SLC24A2: variants seen among roughly 807,000 people sequenced by gnomAD.
The protein encoded by SLC24A2 is sodium/potassium/calcium exchanger 2.
SLC24A2 carries 36 observed loss-of-function variants against 62.0 expected under a neutral mutation model. The ratio of observed to expected loss-of-function variants is 0.58; its 90% CI spans 0.44 to 0.77. The LOEUF is 0.77. SLC24A2 is among the 30% of genes least tolerant of loss of function. SLC24A2 has a pLI of 0.00. For missense variants in SLC24A2, 846 were observed against 817.9 expected, an observed-to-expected ratio of 1.03 and a Z score of -0.42; for synonymous variants, 358 against 294.0, an observed-to-expected ratio of 1.22 and a Z score of -2.23.
chr9:19,610,319 T>C (rs769769293), intron 4 of SLC24A2, among the ~76,000 whole-genome samples: 1 of 152,128 alleles, frequency 6.6e-6, no homozygotes, highest in Non-Finnish European at 1.5e-5. Flanking sequence ...AACACCAAAT[T>C]GAGGTGGATG....
the SLC24A2 span, among the ~76,000 whole-genome samples, chr9:20,277,470 CA>C: frequency 7.3e-5 from 11 of 151,228 alleles, no homozygotes; most frequent in African/African-American, 2.7e-4. Flanking sequence ...TAGGCAGCCG[CA>C]AGACACATGA....
chr9:20,066,016 C>T, the SLC24A2 span, among the ~76,000 whole-genome samples: 1 of 152,128 alleles, frequency 6.6e-6, no homozygotes, highest in African/African-American at 2.4e-5. Flanking sequence ...ATATTATTAA[C>T]AAATGGCTTT....
At chr9:20,236,621 T>C in the SLC24A2 span, among the ~76,000 whole-genome samples, 1 of 152,154 alleles carries the variant, frequency 6.6e-6, no homozygotes, top group African/African-American at 2.4e-5. Context: ...AGTCCAAGCT[T>C]TACGACCAGC....
At chr9:19,865,435 C>T in the SLC24A2 span, among the ~76,000 whole-genome samples, 1 of 152,092 alleles carries the variant, frequency 6.6e-6, no homozygotes, top group Non-Finnish European at 1.5e-5. Flanking sequence ...GTAGGAATCC[C>T]AGTACTTGAC....
the SLC24A2 span, among the ~76,000 whole-genome samples, chr9:20,202,478 C>T: frequency 6.6e-6 from 1 of 152,136 alleles, no homozygotes. Flanking sequence ...ACCCAGAATT[C>T]AGTGAGGCTG....
At chr9:19,851,002 C>CATATATATATAT in the SLC24A2 span, among the ~76,000 whole-genome samples, 1 of 28,624 alleles carries the variant, frequency 3.5e-5, no homozygotes, top group African/African-American at 1.3e-4. Context: ...TATATATATA[C>CATATATATATAT]ACATACATAT....
chr9:20,135,846 G>A, the SLC24A2 span, among the ~76,000 whole-genome samples: 1 of 151,984 alleles, frequency 6.6e-6, no homozygotes, highest in African/African-American at 2.4e-5. Context: ...CTTTTCCAAA[G>A]ACAAGACACA....
the SLC24A2 span, among the ~76,000 whole-genome samples, chr9:19,861,973 T>G: frequency 2.0e-5 from 3 of 151,992 alleles, no homozygotes; most frequent in Non-Finnish European, 4.4e-5. Flanking sequence ...AAGGGCAAAT[T>G]GAAGAGTTAT....
the SLC24A2 span, among the ~76,000 whole-genome samples, chr9:20,073,891 C>CACATATATATATATATATATATAT: frequency 6.3e-4 from 55 of 87,100 alleles, no homozygotes; most frequent in African/African-American, 2.2e-3. Flanking sequence ...TATATATATA[C>CACATATATATATATATATATATAT]ACACATATAT....
chr9:19,709,455 C>T lies in SLC24A2; in HGVS notation c.930+76482G>A, dbSNP rs377067672. Among the ~76,000 whole-genome samples, 6 of 152,164 alleles carry T rather than the reference C, an allele frequency of 3.9e-5. No homozygotes were observed. In the East Asian group the frequency reaches 9.7e-4, roughly 25 times the overall value. On this transcript the variant is annotated intron_variant, in intron 2 of 10. Transcript: ENST00000341998. ...ATGCCGTTATAAAGACACATGCACA[C>T]GTATGTTTATTGCGGCACTATTCAC...
At chr9:20,301,541 G>T in the SLC24A2 span, among the ~76,000 whole-genome samples, 3 of 146,916 alleles carry the variant, frequency 2.0e-5, no homozygotes, top group Admixed American at 6.8e-5. Flanking sequence ...AATGCTCAGG[G>T]TATCATAGTA....
chr9:20,113,000 C>T, the SLC24A2 span, among the ~76,000 whole-genome samples: 1 of 152,138 alleles, frequency 6.6e-6, no homozygotes, highest in Non-Finnish European at 1.5e-5. Context: ...CTGGGTTCAA[C>T]TTGTGGCTCT....
chr9:20,269,869 G>C, the SLC24A2 span, among the ~76,000 whole-genome samples: 2 of 152,118 alleles, frequency 1.3e-5, no homozygotes, highest in African/African-American at 4.8e-5. Context: ...AGTCTGTTTT[G>C]TGTTGCTATA....
At chr9:19,661,896 G>A (rs182423706) in intron 2 of SLC24A2, among the ~76,000 whole-genome samples, 20 of 152,246 alleles carry the variant, frequency 1.3e-4, no homozygotes, top group African/African-American at 3.6e-4. Flanking sequence ...AAACACATCC[G>A]AGAGCTTTTC....
At chr9:20,212,622 A>C in the SLC24A2 span, among the ~76,000 whole-genome samples, 5 of 151,924 alleles carry the variant, frequency 3.3e-5, no homozygotes, top group South Asian at 2.1e-4. Context: ...TGTTTTAGAA[A>C]GATCAATAAC....
chr9:19,680,851 T>TTGTGTGTGTG (rs72142691), intron 2 of SLC24A2, among the ~76,000 whole-genome samples: 2 of 146,970 alleles, frequency 1.4e-5, no homozygotes, highest in African/African-American at 5.0e-5. Context: ...TATACCAGAG[T>TTGTGTGTGTG]TGTGTGTGTG....
chr9:19,903,958 C>CT, the SLC24A2 span, among the ~76,000 whole-genome samples: 3 of 152,152 alleles, frequency 2.0e-5, no homozygotes, highest in Non-Finnish European at 2.9e-5. Context: ...GATTTTGTAA[C>CT]TAAGGGAAGG....
chr9:19,778,755 G>C (rs1822919910), intron 2 of SLC24A2, among the ~76,000 whole-genome samples: 1 of 151,996 alleles, frequency 6.6e-6, no homozygotes, highest in Admixed American at 6.6e-5. Context: ...GAGTTCCACA[G>C]GTAAAGTCCC....
the SLC24A2 span, among the ~76,000 whole-genome samples, chr9:20,173,332 G>A: frequency 6.6e-6 from 1 of 152,092 alleles, no homozygotes; most frequent in Non-Finnish European, 1.5e-5. Context: ...CCTAGCCAGA[G>A]CAATCAGACA....
Sources: gnomAD v4.1 joint callset for allele counts (sites outside exome capture counted in the v4.1 genomes callset) on GRCh38, gnomAD v4.1.1 for gene constraint, MANE v1.5 for transcripts, NCBI Gene and HGNC (gene_info 2026-07-23, HGNC 2026-07-21) for gene names.